The following DENND5A variants were observed in gnomAD, a reference collection of about 807,000 sequenced individuals.
DENND5A encodes DENN domain containing 5A, also known as DENN domain-containing protein 5A.
A neutral mutation model predicts 140.3 loss-of-function variants in DENND5A; 64 were observed. That is an observed-to-expected ratio of 0.46 (90% CI 0.37 to 0.56). The LOEUF (loss-of-function observed/expected upper bound fraction) is 0.56, where lower values mean the gene tolerates loss of function less well. Among genes scored for constraint, DENND5A ranks in the 20% least tolerant of loss-of-function variants. The pLI is 0.00. For missense variants in DENND5A, 1,292 were observed against 1,593.8 expected (o/e 0.81, Z 3.22); for synonymous variants, 605 against 607.7 (o/e 1.00, Z 0.07).
intron 1 of DENND5A, 123 bp downstream of exon 1, chr11:9,264,838 C>A: frequency 1.2e-6 from 1 of 855,960 alleles, no homozygotes; most frequent in Middle Eastern, 3.6e-4. Flanking sequence ...CCGCGCCCGC[C>A]CTGGTCCTCC....
Position 9,148,109 on chromosome 11 carries a change from T to C in DENND5A, c.2736-958A>G, listed in dbSNP as rs114665334. Reference sequence around the variant, plus strand: ...TCAGGTAAAGGCCATGGTATAGGACTGCTCACAATGAATAATCAAACAAAA... The same window carrying C: ...TCAGGTAAAGGCCATGGTATAGGACCGCTCACAATGAATAATCAAACAAAA... On this transcript the variant is annotated intron_variant, in intron 15 of 22. Coordinates refer to ENST00000328194, the MANE Select transcript of DENND5A (RefSeq NM_015213.4). Among the ~76,000 whole-genome samples, 1,274 of 152,334 alleles carry C rather than the reference T, an allele frequency of 8.4e-3. 18 individuals are homozygous for C. The highest frequency in any genetic ancestry group is 0.029 in the African/African-American group (1,205 of 41,560).
At chr11:9,223,050 T>C (rs1033733548) in intron 1 of DENND5A, among the ~76,000 whole-genome samples, 11 of 152,216 alleles carry the variant, frequency 7.2e-5, no homozygotes, top group African/African-American at 2.4e-4. Flanking sequence ...GAGTTCTTGA[T>C]TGTAGAATGA....
intron 1 of DENND5A, among the ~76,000 whole-genome samples, chr11:9,238,377 CTATATACT>C (rs1328782424): frequency 6.7e-6 from 1 of 148,914 alleles, no homozygotes; most frequent in African/African-American, 2.5e-5. Flanking sequence ...ATATATTAAG[CTATATACT>C]TATATACTTA....
intron 6 of DENND5A, 130 bp from the exon 7 acceptor site, chr11:9,179,203 A>G (rs1246579487): frequency 2.7e-5 from 20 of 741,930 alleles, no homozygotes; most frequent in Non-Finnish European, 3.7e-5. Flanking sequence ...TGATGAGAAC[A>G]AAAGAGGAAA....
chr11:9,150,026 A>C (rs1431944585), intron 15 of DENND5A, 55 bp downstream of exon 15: 3 of 1,559,726 alleles, frequency 1.9e-6, no homozygotes, highest in African/African-American at 2.7e-5. Flanking sequence ...CAAGTTTCCA[A>C]TCTCTTCCCT....
intron 4 of DENND5A, among the ~76,000 whole-genome samples, chr11:9,198,971 C>G (rs374334024): frequency 0.073 from 7,145 of 97,844 alleles, 646 homozygotes; most frequent in East Asian, 0.16. Context: ...GCAGGAGACT[C>G]ACTTGATCCC....
intron 12 of DENND5A, 77 bp downstream of exon 12, chr11:9,160,636 A>C: frequency 7.1e-7 from 1 of 1,405,840 alleles, no homozygotes; most frequent in Non-Finnish European, 9.8e-7. Context: ...TCAGCTGGAC[A>C]AAAAGAGTGT....
chr11:9,252,313 A>G (rs2136292385), intron 1 of DENND5A, among the ~76,000 whole-genome samples: 1 of 149,842 alleles, frequency 6.7e-6, no homozygotes, highest in East Asian at 2.0e-4. Flanking sequence ...AAAAAAAAAA[A>G]AGAACTAAAT....
chr11:9,256,152 G>C (rs1851936600), intron 1 of DENND5A, among the ~76,000 whole-genome samples: 1 of 151,972 alleles, frequency 6.6e-6, no homozygotes, highest in Non-Finnish European at 1.5e-5. Context: ...AATGTTCATA[G>C]CATTATTCAA....
At chr11:9,176,848 T>G (rs1234373621) in intron 8 of DENND5A, 1 of 456,192 alleles carries the variant, frequency 2.2e-6, no homozygotes. Context: ...CAGTTCAATG[T>G]TCACTTTCAC....
chr11:9,261,486 C>A (rs889344353), intron 1 of DENND5A, among the ~76,000 whole-genome samples: 6 of 151,978 alleles, frequency 3.9e-5, no homozygotes, highest in African/African-American at 1.5e-4. Flanking sequence ...TTGTTTTATT[C>A]AAAGATTCCC....
At chr11:9,157,694 T>C (rs973130591) in intron 12 of DENND5A, among the ~76,000 whole-genome samples, 1 of 152,248 alleles carries the variant, frequency 6.6e-6, no homozygotes, top group African/African-American at 2.4e-5. Context: ...TAGTGTTGTA[T>C]GGTGTGTATG....
In DENND5A at chr11:9,265,228, G is replaced by A; in HGVS notation, c.-159C>T. The A allele has an allele frequency of 3.6e-6, 1 of 276,212 alleles. No homozygotes were observed. Among genetic ancestry groups the A allele is most frequent in the Non-Finnish European group, 6.2e-6 (1 of 161,626 alleles). 17.1% of individuals were successfully genotyped at this position (276,212 alleles called of 1,614,324 possible). Reference sequence around the variant, plus strand: ...CTGGCCCGGTCCCCTCGGCCGCCGCGGCTGCCGTGACGGGGCGGGGGGGCA... The same window carrying A: ...CTGGCCCGGTCCCCTCGGCCGCCGCAGCTGCCGTGACGGGGCGGGGGGGCA... On this transcript the variant is annotated 5_prime_UTR_variant, in exon 1 of 23. Transcript: ENST00000328194. The surrounding 1 kb of genome is among the most constrained non-coding windows in gnomAD (Gnocchi z 4.7).
In DENND5A at chr11:9,145,704, T is replaced by C; in HGVS notation, c.2969A>G (p.Gln990Arg). Reference sequence around the variant, plus strand: ...CATCTCTAGCACATTCCTGGGAATCTGCATGATCTGTGTCTCACCCAATTC... The same window carrying C: ...CATCTCTAGCACATTCCTGGGAATCCGCATGATCTGTGTCTCACCCAATTC... ...SGELGETQIM[Q>R]IPRNVLEMTF... Residue 990 changes from glutamine (Q) to arginine (R), a missense_variant, in exon 17 of 23, where the codon CAG (glutamine) becomes CGG (arginine). By Grantham distance (43) the Gln-to-Arg change is conservative (BLOSUM62 1). This residue lies in a region of DENND5A where 498 missense variants were observed against 689.7 expected (regional missense o/e 0.72). Transcript: ENST00000328194. The C allele has an allele frequency of 6.2e-7, 1 of 1,614,240 alleles. No homozygotes were observed. Among genetic ancestry groups the C allele is most frequent in the Non-Finnish European group, 8.5e-7 (1 of 1,180,030 alleles).
chr11:9,169,954 C>T lies in DENND5A; in HGVS notation c.2058-5G>A. ...GGGGCATTCCTTTTCGTCCACCTAA[C>T]ACAATCAGAACCAAAGCAGGCAATT... is the stretch of plus-strand genomic sequence containing the variant. On this transcript the variant is annotated splice_polypyrimidine_tract_variant and splice_region_variant and intron_variant, in intron 9 of 22. Transcript: ENST00000328194. The T allele has an allele frequency of 1.2e-6, 2 of 1,606,216 alleles. No individual in the cohort carries two copies. The highest frequency in any genetic ancestry group is 8.5e-7 in the Non-Finnish European group (1 of 1,173,070).
At chr11:9,254,953 C>G (rs1851881872) in intron 1 of DENND5A, among the ~76,000 whole-genome samples, 1 of 151,976 alleles carries the variant, frequency 6.6e-6, no homozygotes, top group African/African-American at 2.4e-5. Context: ...TGCATGTAAT[C>G]CCAGCTACTC....
At chr11:9,223,168 C>A (rs554575918) in intron 1 of DENND5A, among the ~76,000 whole-genome samples, 4 of 151,600 alleles carry the variant, frequency 2.6e-5, no homozygotes, top group Non-Finnish European at 5.9e-5. Context: ...ACAAGAAGAT[C>A]ACTTGAGCTG....
intron 15 of DENND5A, among the ~76,000 whole-genome samples, chr11:9,149,289 T>C (rs1162444682): frequency 6.6e-6 from 1 of 152,196 alleles, no homozygotes; most frequent in Non-Finnish European, 1.5e-5. Context: ...ATACTCTTCA[T>C]AGACTGTCCA....
chr11:9,198,354 C>A (rs1849403880), intron 4 of DENND5A, among the ~76,000 whole-genome samples: 1 of 151,396 alleles, frequency 6.6e-6, no homozygotes, highest in South Asian at 2.1e-4. Flanking sequence ...GTGGCTCACA[C>A]CTGTAATCCC....
Sources: gnomAD v4.1 joint callset for allele counts (sites outside exome capture counted in the v4.1 genomes callset) on GRCh38, gnomAD v4.1.1 for gene constraint, gnomAD v4.1.1 regional missense constraint, Gnocchi (gnomAD v3.1) non-coding constraint, MANE v1.5 for transcripts, NCBI Gene and HGNC (gene_info 2026-07-23, HGNC 2026-07-21) for gene names.